Variants in GSC2 observed in about 807,000 individuals in gnomAD.
GSC2 encodes the protein homeobox protein goosecoid-2.
Under a neutral mutation model 11.3 loss-of-function variants are expected in GSC2, and 12 were observed. The observed-to-expected ratio is 1.06, with a 90% CI of 0.68 to 1.72. The LOEUF (loss-of-function observed/expected upper bound fraction) is 1.72. Among genes scored for constraint, GSC2 ranks in the 40% most tolerant of loss-of-function variants. The pLI, the probability that GSC2 is intolerant of heterozygous loss-of-function variation, is 0.00. For missense variants in GSC2, 310 were observed against 235.7 expected, an observed-to-expected ratio of 1.32 and a Z score of -2.06; for synonymous variants, 148 against 110.0, an observed-to-expected ratio of 1.35 and a Z score of -2.16.
In GSC2 at chr22:19,150,191, C is replaced by A; in HGVS notation, c.93G>T (p.Glu31Asp). ...AGGCGGCCCGGGCCGGGAGGCTCCG[C>A]TCGGGCAGGCTGGAGAGGATGTGCT... ...SIEHILSSLP[E>D]RSLPARAACP... The change falls in exon 1 of 3, where the codon GAG (glutamate) becomes GAT (aspartate). Residue 31 changes from glutamate to aspartate, a missense_variant. Transcript: ENST00000086933. The A allele has an allele frequency of 2.1e-6, 1 of 485,058 alleles. No individual in the cohort carries two copies. Among genetic ancestry groups the A allele is most frequent in the Non-Finnish European group, 2.8e-6 (1 of 357,100 alleles). The allele number at this position is 485,058 out of a possible 1,614,324, so 30.0% of individuals were successfully genotyped here.
chr22:19,149,998 CCCGCGCCCCGCT>C lies in GSC2; in HGVS notation c.259+15_259+26del. On this transcript the variant is annotated intron_variant, in intron 1 of 2. Coordinates refer to ENST00000086933, the MANE Select transcript of GSC2 (RefSeq NM_005315.2). ...CGCCGCGCCCCGGGCTCCGCCGGGC[CCCGCGCCCCGCT>C]CCGCGCCCACTCACCCAGCCCGGCG... The C allele has an allele frequency of 1.8e-6, 2 of 1,093,720 alleles. No individual in the cohort carries two copies. The highest frequency in any genetic ancestry group is 5.6e-5 in the East Asian group (1 of 17,896). The allele number at this position is 1,093,720 out of a possible 1,614,324, so 67.8% of individuals were successfully genotyped here. A position where few individuals can be genotyped will look rare whatever the true frequency, so the allele number is the denominator to read the frequency against.
chr22:19,149,296 G>A (rs1268460693), intron 2 of GSC2, among the ~76,000 whole-genome samples: 18 of 152,176 alleles, frequency 1.2e-4, no homozygotes, highest in African/African-American at 3.9e-4. Flanking sequence ...CGCGAGATGG[G>A]AACCCCCTTA....
At chr22:19,149,432 CAAAAG>C (rs1308413728) in intron 2 of GSC2, among the ~76,000 whole-genome samples, 7 of 151,818 alleles carry the variant, frequency 4.6e-5, no homozygotes, top group Non-Finnish European at 7.4e-5. Context: ...AAGTGTAAAA[CAAAAG>C]AAAAGAAAAG....
Position 19,149,695 on chromosome 22 carries a change from C to G in GSC2, c.481G>C (p.Gly161Arg). 2 of 1,567,480 alleles carry G rather than the reference C, an allele frequency of 1.3e-6. No homozygotes were observed. The highest frequency in any genetic ancestry group is 1.7e-6 in the Non-Finnish European group (2 of 1,160,366). Residue 161 changes from glycine (G) to arginine (R), a missense_variant, in exon 2 of 3, where the codon GGC becomes CGC. Physicochemically the swap from Gly to Arg is moderately radical, Grantham distance 125 (BLOSUM62 -2). Transcript: ENST00000086933. ...PDVSTRERLAGRIRLREERVE... is the reference protein window; with the variant it reads ...PDVSTRERLARRIRLREERVE... ...CGCTCCTCGCGAAGGCGGATGCGGC[C>G]GGCCAGGCGCTCGCGCGTACTCACG...
In GSC2 at chr22:19,149,674, C is replaced by G; in HGVS notation, c.502G>C (p.Glu168Gln). The G allele has an allele frequency of 6.4e-7, 1 of 1,552,132 alleles. No individual in the cohort carries two copies. The highest frequency in any genetic ancestry group is 8.7e-7 in the Non-Finnish European group (1 of 1,153,242). ...RLAGRIRLRE[E>Q]RVEVWFKNRR... ...GGCGGGGCACTCACCTCCACGCGCT[C>G]CTCGCGAAGGCGGATGCGGCCGGCC... Residue 168 changes from glutamate (E) to glutamine (Q), a missense_variant, in exon 2 of 3, where the codon GAG becomes CAG. Glu to Gln is a conservative substitution (Grantham distance 29). Coordinates refer to ENST00000086933, the MANE Select transcript of GSC2 (RefSeq NM_005315.2).
chr22:19,147,078 G>T lies in GSC2; in HGVS notation c.*1913C>A, dbSNP rs1269369675. Among the ~76,000 whole-genome samples the T allele has an allele frequency of 6.6e-6, 1 of 152,174 alleles. No homozygotes were observed. The highest frequency in any genetic ancestry group is 2.4e-5 in the African/African-American group (1 of 41,436). Reference sequence around the variant, plus strand: ...CTGGGTATAGTGGATGATCAGGAGAGGGAGGGGTCCAGGGACCAGTTTCGG... The same window carrying T: ...CTGGGTATAGTGGATGATCAGGAGATGGAGGGGTCCAGGGACCAGTTTCGG... On this transcript the variant is annotated 3_prime_UTR_variant, in exon 3 of 3. Coordinates refer to ENST00000086933, the MANE Select transcript of GSC2 (RefSeq NM_005315.2).
In GSC2 at chr22:19,150,240, C is replaced by T. The variant is rs781842634; in HGVS notation, c.44G>A (p.Gly15Glu). The part of the protein sequence containing the change: ...AGGAASRRGA[G>E]RPCPFSIEHI... ...CTCGATGGAGAAGGGGCAGGGCCGC[C>T]CGGCACCCCGGCGGCTCGCCGCGCC... The change falls in exon 1 of 3, where the codon GGG becomes GAG. Residue 15 changes from glycine (G) to glutamate (E), a missense_variant. Physicochemically the swap from Gly to Glu is moderately conservative, Grantham distance 98. Coordinates refer to ENST00000086933, the MANE Select transcript of GSC2 (RefSeq NM_005315.2). The T allele has an allele frequency of 2.6e-5, 7 of 265,154 alleles. No individual in the cohort carries two copies. The highest frequency in any genetic ancestry group is 1.3e-5 in the Non-Finnish European group (2 of 154,810). 16.4% of individuals were successfully genotyped at this position (265,154 alleles called of 1,614,324 possible).
chr22:19,149,455 C>T (rs376547744), intron 2 of GSC2, among the ~76,000 whole-genome samples: 3 of 152,256 alleles, frequency 2.0e-5, no homozygotes, highest in East Asian at 3.9e-4. Flanking sequence ...AAGTAGCCCT[C>T]CGGTTCCTTT....
In GSC2 at chr22:19,150,058, G is replaced by C; in HGVS notation, c.226C>G (p.Pro76Ala). The change falls in exon 1 of 3, where the codon CCC (proline) becomes GCC (alanine). Residue 76 changes from proline (P) to alanine (A), a missense_variant. Physicochemically the swap from Pro to Ala is conservative, Grantham distance 27 (BLOSUM62 -1). Transcript: ENST00000086933. ...CCCCCGPRAAPCGPPEAAAGL... is the reference protein window; with the variant it reads ...CCCCCGPRAAACGPPEAAAGL... ...GCGGCCGCCTCTGGGGGCCCGCAGG[G>C]CGCCGCGCGGGGGCCGCAGCAGCAG... 1 of 1,000,538 alleles carries C rather than the reference G, an allele frequency of 1.0e-6. No homozygotes were observed. The highest frequency in any genetic ancestry group is 1.2e-6 in the Non-Finnish European group (1 of 841,500). The allele number at this position is 1,000,538 out of a possible 1,614,324, so 62.0% of individuals were successfully genotyped here.
rs886324666 is a variant in GSC2, at chr22:19,148,763, G to T, written c.*228C>A. On this transcript the variant is annotated 3_prime_UTR_variant, in exon 3 of 3. Transcript: ENST00000086933. ...GCTGAGGAAACTGCTCTATGCCCCAGCCCACCCCCAAGGGACTCGCCACTC... is the reference window on the plus strand; with the variant it reads ...GCTGAGGAAACTGCTCTATGCCCCATCCCACCCCCAAGGGACTCGCCACTC... 3.9e-6 allele frequency: 2 copies of T among 519,424 alleles called. No individual in the cohort carries two copies. Among genetic ancestry groups the T allele is most frequent in the South Asian group, 5.5e-5 (2 of 36,176 alleles). 32.2% of individuals were successfully genotyped at this position (519,424 alleles called of 1,614,324 possible). A position where few individuals can be genotyped will look rare whatever the true frequency, so the allele number is the denominator to read the frequency against.
Position 19,147,052 on chromosome 22 carries a change from C to T in GSC2, c.*1939G>A, listed in dbSNP as rs971155692. On this transcript the variant is annotated 3_prime_UTR_variant, in exon 3 of 3. Transcript: ENST00000086933. ...AACAGTAAAACTGACTTCCTGTCAGCCTGGGTATAGTGGATGATCAGGAGA... is the reference window on the plus strand; with the variant it reads ...AACAGTAAAACTGACTTCCTGTCAGTCTGGGTATAGTGGATGATCAGGAGA... Among the ~76,000 whole-genome samples the T allele has an allele frequency of 6.6e-6, 1 of 152,146 alleles. No individual in the cohort carries two copies. Among genetic ancestry groups the T allele is most frequent in the Non-Finnish European group, 1.5e-5 (1 of 68,038 alleles).
chr22:19,149,639 G>A (rs782566918), intron 2 of GSC2, 24 bp downstream of exon 2: 3 of 1,508,516 alleles, frequency 2.0e-6, no homozygotes, highest in South Asian at 1.2e-5. Context: ...CGCGCTCCGG[G>A]GAAAGGCTGG....
rs1227850289 is a variant in GSC2, at chr22:19,150,009, C to T, written c.259+16G>A. On this transcript the variant is annotated intron_variant, in intron 1 of 2. Coordinates refer to ENST00000086933, the MANE Select transcript of GSC2 (RefSeq NM_005315.2). ...GGGCTCCGCCGGGCCCCGCGCCCCG[C>T]TCCGCGCCCACTCACCCAGCCCGGC... 4 of 1,065,648 alleles carry T rather than the reference C, an allele frequency of 3.8e-6. No homozygotes were observed. The highest frequency in any genetic ancestry group is 4.3e-4 in the Middle Eastern group (1 of 2,346). The allele number at this position is 1,065,648 out of a possible 1,614,324, so 66.0% of individuals were successfully genotyped here. A position where few individuals can be genotyped will look rare whatever the true frequency, so the allele number is the denominator to read the frequency against.
In GSC2 at chr22:19,148,998, CTCCCCTTCGGG is replaced by C. The variant is rs1569119463; in HGVS notation, c.600_610del (p.Pro201LeufsTer23). On this transcript the variant is annotated frameshift_variant, in exon 3 of 3. Transcript: ENST00000086933. LOFTEE classifies it high-confidence loss of function. ...GGGCAGCTCCTAGAGTCATCAGCAGCTCCCCTTCGGGGACTTCTTGACGCCGGGCAGGAGCC... is the reference window on the plus strand; with the variant it reads ...GGGCAGCTCCTAGAGTCATCAGCAGCGACTTCTTGACGCCGGGCAGGAGCC... 2 of 1,586,058 alleles carry C rather than the reference CTCCCCTTCGGG, an allele frequency of 1.3e-6. No homozygotes were observed. Among genetic ancestry groups the C allele is most frequent in the Admixed American group, 3.5e-5 (2 of 57,534 alleles).
chr22:19,148,951 C>CA lies in GSC2; in HGVS notation c.*39dup. On this transcript the variant is annotated 3_prime_UTR_variant, in exon 3 of 3. Transcript: ENST00000086933. ...CTCTCAGCGCCAACTCCAAAGATCC[C>CA]AAAAAGGGTGGCCGAGCCCAGGGGC... The CA allele has an allele frequency of 1.6e-6, 2 of 1,265,398 alleles. No homozygotes were observed. Among genetic ancestry groups the CA allele is most frequent in the East Asian group, 2.6e-5 (1 of 38,726 alleles). The allele number at this position is 1,265,398 out of a possible 1,614,324, so 78.4% of individuals were successfully genotyped here.
chr22:19,150,092 G>T lies in GSC2; in HGVS notation c.192C>A (p.Cys64Ter). ...GGGGGCCGCAGCAGCAGCAGCAGGC[G>T]CAGGGCGCAGCCTCGGGCGCCCCGG... ...EEPGAPEAAP[C>*]ACCCCCGPRA... Residue 64 changes from cysteine (C) to a stop codon, truncating the protein, a stop_gained, in exon 1 of 3, where the codon TGC becomes TGA. Coordinates refer to ENST00000086933, the MANE Select transcript of GSC2 (RefSeq NM_005315.2). LOFTEE classifies it high-confidence loss of function. The T allele has an allele frequency of 2.0e-6, 2 of 1,002,622 alleles. No homozygotes were observed. Among genetic ancestry groups the T allele is most frequent in the Non-Finnish European group, 2.4e-6 (2 of 842,376 alleles). The allele number at this position is 1,002,622 out of a possible 1,614,324, so 62.1% of individuals were successfully genotyped here. A position where few individuals can be genotyped will look rare whatever the true frequency, so the allele number is the denominator to read the frequency against.
chr22:19,147,989 G>C lies in GSC2; in HGVS notation c.*1002C>G, dbSNP rs2083801846. ...TTGCCATGGGCCAGGATAAAGAAGG[G>C]GAGGGCAGGCATCTTCCCAGGCAGC... On this transcript the variant is annotated 3_prime_UTR_variant, in exon 3 of 3. Transcript: ENST00000086933. 6.6e-6 allele frequency among the ~76,000 whole-genome samples: 1 copy of C among 152,144 alleles called. No individual in the cohort carries two copies. The highest frequency in any genetic ancestry group is 1.5e-5 in the Non-Finnish European group (1 of 67,996).
At position 19,148,778 on chromosome 22, in the gene GSC2, A is replaced by T. The variant is rs1488720217; in HGVS notation, c.*213T>A. The T allele has an allele frequency of 5.6e-6, 3 of 532,108 alleles. No individual in the cohort carries two copies. The highest frequency in any genetic ancestry group is 6.6e-6 in the Non-Finnish European group (2 of 301,168). 33.0% of individuals were successfully genotyped at this position (532,108 alleles called of 1,614,324 possible). On this transcript the variant is annotated 3_prime_UTR_variant, in exon 3 of 3. Coordinates refer to ENST00000086933, the MANE Select transcript of GSC2 (RefSeq NM_005315.2). ...CTATGCCCCAGCCCACCCCCAAGGG[A>T]CTCGCCACTCCCACTGCCGTGGAAC...
chr22:19,147,136 G>A lies in GSC2; in HGVS notation c.*1855C>T, dbSNP rs1418309378. Among the ~76,000 whole-genome samples, 11 of 152,214 alleles carry A rather than the reference G, an allele frequency of 7.2e-5. No individual in the cohort carries two copies. Among genetic ancestry groups the A allele is most frequent in the African/African-American group, 2.7e-4 (11 of 41,452 alleles). On this transcript the variant is annotated 3_prime_UTR_variant, in exon 3 of 3. Transcript: ENST00000086933. ...GCTAGCTCTCTGGCTCATGTGCCTG[G>A]TTTGCACAGAAGAGCTCACTGTGGA...
Sources: gnomAD v4.1 joint callset for allele counts (sites outside exome capture counted in the v4.1 genomes callset) on GRCh38, gnomAD v4.1.1 for gene constraint, MANE v1.5 for transcripts, NCBI Gene and HGNC (gene_info 2026-07-23, HGNC 2026-07-21) for gene names.